The following MAP7 variants were observed in gnomAD, a reference collection of about 807,000 sequenced individuals.
MAP7 encodes the protein ensconsin.
In MAP7, 52 loss-of-function variants were observed where a neutral mutation model predicts 94.8. The observed-to-expected ratio is 0.55, with a 90% CI of 0.44 to 0.69. The LOEUF (loss-of-function observed/expected upper bound fraction) is 0.69. Among genes scored for constraint, MAP7 ranks in the 30% least tolerant of loss-of-function variants. The pLI is 0.00. For missense variants in MAP7, 940 were observed against 964.6 expected (o/e 0.97, Z 0.34); for synonymous variants, 350 against 357.0 (o/e 0.98, Z 0.22).
chr6:136,542,717 AT>A (rs1441628391), intron 1 of MAP7, among the ~76,000 whole-genome samples: 3 of 148,536 alleles, frequency 2.0e-5, no homozygotes, highest in Non-Finnish European at 4.5e-5. Flanking sequence ...GTGTGTTAAA[AT>A]TAAAAAAAAA....
At position 136,471,169 on chromosome 6, in the gene MAP7, G is replaced by A. The variant is rs1808851287; in HGVS notation, c.68-49370C>T. Among the ~76,000 whole-genome samples, 4 of 152,098 alleles carry A rather than the reference G, an allele frequency of 2.6e-5. No homozygotes were observed. The South Asian group carries it at 8.3e-4, about 31-fold the overall frequency. On this transcript the variant is annotated intron_variant, in intron 1 of 17. Coordinates refer to ENST00000354570, the MANE Select transcript of MAP7 (RefSeq NM_003980.6). ...GCTTTTTTTGCTGAAAAATTGAAAA[G>A]CTAAAAGCACACATACAATATACAT...
At chr6:136,538,948 A>T (rs1829100192) in intron 1 of MAP7, among the ~76,000 whole-genome samples, 1 of 152,114 alleles carries the variant, frequency 6.6e-6, no homozygotes, top group African/African-American at 2.4e-5. Flanking sequence ...TGCTTTAATG[A>T]TGCCTTTGAT....
At chr6:136,485,445 G>T (rs564699879) in intron 1 of MAP7, among the ~76,000 whole-genome samples, 1 of 151,964 alleles carries the variant, frequency 6.6e-6, no homozygotes, top group East Asian at 1.9e-4. Context: ...AAATGTACCA[G>T]GATAAGCACA....
intron 1 of MAP7, chr6:136,526,055 C>A: frequency 6.9e-7 from 1 of 1,442,406 alleles, no homozygotes; most frequent in South Asian, 1.5e-5. Flanking sequence ...CTGCTAGTTC[C>A]TAAGCTGCCT....
intron 1 of MAP7, among the ~76,000 whole-genome samples, chr6:136,501,850 C>T (rs1819922014): frequency 6.6e-6 from 1 of 152,166 alleles, no homozygotes. Flanking sequence ...CCTCTACTCA[C>T]TGGAACATCT....
intron 1 of MAP7, among the ~76,000 whole-genome samples, chr6:136,538,598 T>C (rs1349962239): frequency 2.0e-5 from 3 of 151,576 alleles, no homozygotes; most frequent in Admixed American, 1.3e-4. Context: ...AGCAACATGG[T>C]GACACCCTGT....
At chr6:136,348,012 C>G (rs1582625280) in intron 16 of MAP7, among the ~76,000 whole-genome samples, 1 of 101,712 alleles carries the variant, frequency 9.8e-6, no homozygotes, top group Non-Finnish European at 1.8e-5. Context: ...TGTGCACATG[C>G]CCCCCCCCCC....
chr6:136,360,817 C>T lies in MAP7; in HGVS notation c.1702-19G>A. ...CTTCTTTCTGAAAACAGAAGGTCGGCGTCTGCCTCTGACAAACAGGCGGGC... is the reference window on the plus strand; with the variant it reads ...CTTCTTTCTGAAAACAGAAGGTCGGTGTCTGCCTCTGACAAACAGGCGGGC... On this transcript the variant is annotated intron_variant, in intron 12 of 17. Transcript: ENST00000354570. 5 of 1,611,668 alleles carry T rather than the reference C, an allele frequency of 3.1e-6. No individual in the cohort carries two copies. Among genetic ancestry groups the T allele is most frequent in the Non-Finnish European group, 3.4e-6 (4 of 1,179,160 alleles).
intron 3 of MAP7, among the ~76,000 whole-genome samples, chr6:136,393,873 TCAAGAGATGCTC>T (rs1781504157): frequency 6.7e-6 from 1 of 148,566 alleles, no homozygotes; most frequent in South Asian, 2.1e-4. Flanking sequence ...ACTCCTAGCT[TCAAGAGATGCTC>T]CTGTCTCAGC....
At chr6:136,427,241 A>G (rs904036839) in intron 1 of MAP7, among the ~76,000 whole-genome samples, 5 of 152,240 alleles carry the variant, frequency 3.3e-5, no homozygotes, top group African/African-American at 1.2e-4. Flanking sequence ...TCCAGCCACA[A>G]ACTCCTGGGA....
chr6:136,482,210 G>T (rs899853278), intron 1 of MAP7, among the ~76,000 whole-genome samples: 2 of 152,156 alleles, frequency 1.3e-5, no homozygotes, highest in African/African-American at 4.8e-5. Flanking sequence ...AAAGCAGTTT[G>T]GTGATTTATC....
At position 136,517,580 on chromosome 6, in the gene MAP7, T is replaced by C. The variant is rs73569851; in HGVS notation, c.67+32762A>G. Among the ~76,000 whole-genome samples, 860 of 152,382 alleles carry C rather than the reference T, an allele frequency of 5.6e-3. 4 individuals carry two copies. The highest frequency in any genetic ancestry group is 0.039 in the East Asian group (204 of 5,190). ...TAATACCCGCCAGCACCTGTGAGCA[T>C]GATTTTATTCATTTCATTTCACAGA... On this transcript the variant is annotated intron_variant, in intron 1 of 17. Coordinates refer to ENST00000354570, the MANE Select transcript of MAP7 (RefSeq NM_003980.6).
At chr6:136,485,067 T>TAATTTCAA (rs1814198470) in intron 1 of MAP7, among the ~76,000 whole-genome samples, 1 of 152,212 alleles carries the variant, frequency 6.6e-6, no homozygotes, top group African/African-American at 2.4e-5. Context: ...GCTTCTACTG[T>TAATTTCAA]AGCTCAGGAT....
At position 136,537,150 on chromosome 6, in the gene MAP7, T is replaced by C. The variant is rs115310185; in HGVS notation, c.67+13192A>G. ...TGGTTGGAAACTTTCTCTTTCTTTT[T>C]TTTTTTTTTAAACTTTGATGCTGTT... On this transcript the variant is annotated intron_variant, in intron 1 of 17. Transcript: ENST00000354570. Among the ~76,000 whole-genome samples, 684 of 152,282 alleles carry C rather than the reference T, an allele frequency of 4.5e-3. 7 individuals carry two copies. The highest frequency in any genetic ancestry group is 0.016 in the African/African-American group (654 of 41,558).
At chr6:136,354,462 A>T (rs1173221398) in intron 16 of MAP7, among the ~76,000 whole-genome samples, 1 of 146,482 alleles carries the variant, frequency 6.8e-6, no homozygotes, top group Admixed American at 6.9e-5. Context: ...TATATATAAA[A>T]ATATATATAG....
chr6:136,531,080 T>C (rs1828444244), intron 1 of MAP7, among the ~76,000 whole-genome samples: 1 of 145,096 alleles, frequency 6.9e-6, no homozygotes, highest in Non-Finnish European at 1.5e-5. Context: ...CTTAACCCAG[T>C]AGCACATAAT....
chr6:136,494,097 T>C (rs1400057623), intron 1 of MAP7, among the ~76,000 whole-genome samples: 1 of 152,214 alleles, frequency 6.6e-6, no homozygotes, highest in Non-Finnish European at 1.5e-5. Context: ...AAATAGCCTA[T>C]CTTAGTGTAA....
intron 7 of MAP7, 43 bp from the exon 8 acceptor site, chr6:136,372,668 G>A (rs1226474277): frequency 6.2e-7 from 1 of 1,613,426 alleles, no homozygotes; most frequent in Non-Finnish European, 8.5e-7. Context: ...CAGGTGATTG[G>A]TTTTACACAC....
chr6:136,375,976 G>A (rs1775995944), intron 7 of MAP7, among the ~76,000 whole-genome samples: 1 of 152,156 alleles, frequency 6.6e-6, no homozygotes, highest in East Asian at 1.9e-4. Context: ...AGTTAGTGAT[G>A]ACAAAAATAG....
Sources: gnomAD v4.1 joint callset for allele counts (sites outside exome capture counted in the v4.1 genomes callset) on GRCh38, gnomAD v4.1.1 for gene constraint, MANE v1.5 for transcripts, NCBI Gene and HGNC (gene_info 2026-07-23, HGNC 2026-07-21) for gene names.